Variants in SLC38A1 observed in about 807,000 individuals in gnomAD.
SLC38A1 encodes sodium-coupled neutral amino acid symporter 1.
Under a neutral mutation model 60.3 loss-of-function variants are expected in SLC38A1, and 18 were observed. That is an observed-to-expected ratio of 0.30 (90% CI 0.21 to 0.44). The LOEUF (loss-of-function observed/expected upper bound fraction) is 0.44. Ranked by LOEUF, SLC38A1 falls within the 20% of genes least tolerant of loss-of-function variation. SLC38A1 has a pLI of 1.00. For missense variants in SLC38A1, 448 were observed against 587.2 expected, an observed-to-expected ratio of 0.76 and a Z score of 2.45; for synonymous variants, 196 against 212.1, an observed-to-expected ratio of 0.92 and a Z score of 0.66.
At chr12:46,212,542 G>C (rs1352918208) in intron 5 of SLC38A1, among the ~76,000 whole-genome samples, 1 of 152,216 alleles carries the variant, frequency 6.6e-6, no homozygotes, top group Non-Finnish European at 1.5e-5. Context: ...TGGGTCATGG[G>C]GAAGGGGTGG....
At chr12:46,259,010 T>C (rs898776815) in intron 1 of SLC38A1, among the ~76,000 whole-genome samples, 5 of 152,202 alleles carry the variant, frequency 3.3e-5, no homozygotes, top group Non-Finnish European at 5.9e-5. Flanking sequence ...ATTATATATA[T>C]GGGATTTTTG....
chr12:46,192,565 CT>C (rs1277079835), intron 16 of SLC38A1, among the ~76,000 whole-genome samples: 1 of 151,758 alleles, frequency 6.6e-6, no homozygotes, highest in East Asian at 1.9e-4. Context: ...TGGTCCTGGA[CT>C]TTTTTTTGGT....
intron 11 of SLC38A1, 33 bp from the exon 12 acceptor site, chr12:46,203,122 A>G: frequency 6.4e-7 from 1 of 1,565,536 alleles, no homozygotes; most frequent in South Asian, 1.1e-5. Flanking sequence ...CATTAGGAAA[A>G]ACACTTTTAC....
intron 1 of SLC38A1, among the ~76,000 whole-genome samples, chr12:46,253,633 C>T (rs1288019089): frequency 6.6e-6 from 1 of 152,156 alleles, no homozygotes; most frequent in Non-Finnish European, 1.5e-5. Flanking sequence ...TTGTGCTAAC[C>T]TCCTATCTCA....
chr12:46,239,479 A>G, intron 3 of SLC38A1, 200 bp downstream of exon 3: 1 of 446,592 alleles, frequency 2.2e-6, no homozygotes. Context: ...CATGCACCAC[A>G]TGCCTGGCTA....
At chr12:46,264,275 A>G (rs888828119) in intron 1 of SLC38A1, among the ~76,000 whole-genome samples, 13 of 152,196 alleles carry the variant, frequency 8.5e-5, no homozygotes, top group African/African-American at 3.1e-4. Flanking sequence ...ACTCTGAGGT[A>G]CGCAGCACTG....
At chr12:46,237,593 G>A (rs112243166) in intron 3 of SLC38A1, among the ~76,000 whole-genome samples, 2 of 151,828 alleles carry the variant, frequency 1.3e-5, no homozygotes, top group African/African-American at 4.9e-5. Flanking sequence ...GGAGCCTATA[G>A]GGAAGTGAGC....
chr12:46,199,305 CTTTGTGTG>C (rs1366061575), intron 13 of SLC38A1, among the ~76,000 whole-genome samples: 3 of 112,452 alleles, frequency 2.7e-5, no homozygotes, highest in Non-Finnish European at 5.4e-5. Flanking sequence ...TTATGTACTA[CTTTGTGTG>C]TGTGTGTGTG....
At position 46,218,411 on chromosome 12, in the gene SLC38A1, G is replaced by C. The variant is rs972189715; in HGVS notation, c.315-9284C>G. On this transcript the variant is annotated intron_variant, in intron 5 of 16. Coordinates refer to ENST00000398637, the MANE Select transcript of SLC38A1 (RefSeq NM_030674.4). The stretch of plus-strand genomic sequence containing the variant: ...TTCTCGGTGGGTATTTGGGACTTTT[G>C]TTCCGGTAGAAAGGTGGATTGGGGG... Among the ~76,000 whole-genome samples the C allele has an allele frequency of 1.3e-5, 2 of 149,944 alleles. 1 individual carries two copies. The highest frequency in any genetic ancestry group is 1.3e-4 in the Admixed American group (2 of 15,072).
rs1394049616 is a variant in SLC38A1 at position 46,229,634 on chromosome 12, AACT to A, written c.125_127del (p.Lys42_Phe43delinsIle). The A allele has an allele frequency of 6.2e-7, 1 of 1,613,134 alleles. No homozygotes were observed. Among genetic ancestry groups the A allele is most frequent in the Non-Finnish European group, 8.5e-7 (1 of 1,179,534 alleles). ...TCTTCTACTTTCACGATCAGAAATA[AACT>A]TGCTGTAAAGACATGCGTAATATAT... is the stretch of plus-strand genomic sequence containing the variant. On this transcript the variant is annotated inframe_deletion and splice_region_variant, in exon 4 of 17. Transcript: ENST00000398637.
chr12:46,264,523 TACA>T (rs1295652143), intron 1 of SLC38A1, among the ~76,000 whole-genome samples: 4 of 152,176 alleles, frequency 2.6e-5, no homozygotes, highest in African/African-American at 7.2e-5. Flanking sequence ...CAGAAATAAG[TACA>T]ACAATATTTT....
intron 1 of SLC38A1, among the ~76,000 whole-genome samples, chr12:46,250,785 G>A (rs1490105049): frequency 6.6e-6 from 1 of 152,080 alleles, no homozygotes; most frequent in Non-Finnish European, 1.5e-5. Context: ...CAACTTACAA[G>A]GGATGTGAAG....
chr12:46,183,186 A>T lies in SLC38A1; in HGVS notation c.*5784T>A, dbSNP rs1282069193. On this transcript the variant is annotated 3_prime_UTR_variant, in exon 17 of 17. Coordinates refer to ENST00000398637, the MANE Select transcript of SLC38A1 (RefSeq NM_030674.4). Reference sequence around the variant, plus strand: ...AAAAAAAACCCAGTTCTATTTGATTAACTATGAATAGCAAAGTTTTGTGAC... The same window carrying T: ...AAAAAAAACCCAGTTCTATTTGATTTACTATGAATAGCAAAGTTTTGTGAC... 6.6e-6 allele frequency: 1 copy of T among 152,360 alleles called. No homozygotes were observed. Among genetic ancestry groups the T allele is most frequent in the African/African-American group, 2.4e-5 (1 of 41,414 alleles). 9.4% of individuals were successfully genotyped at this position (152,360 alleles called of 1,614,324 possible). A position where few individuals can be genotyped will look rare whatever the true frequency, so the allele number is the denominator to read the frequency against.
chr12:46,190,105 A>T (rs1939084178), intron 16 of SLC38A1, among the ~76,000 whole-genome samples: 1 of 152,040 alleles, frequency 6.6e-6, no homozygotes, highest in South Asian at 2.1e-4. Context: ...ACCCCACGAC[A>T]GGCCCTGGTG....
chr12:46,266,095 G>A (rs1229189091), intron 1 of SLC38A1, among the ~76,000 whole-genome samples: 2 of 152,180 alleles, frequency 1.3e-5, no homozygotes, highest in Non-Finnish European at 1.5e-5. Flanking sequence ...GATATAGAAC[G>A]GAAGGGATGG....
intron 13 of SLC38A1, among the ~76,000 whole-genome samples, chr12:46,199,326 TG>T (rs1565752898): frequency 2.7e-5 from 3 of 112,740 alleles, no homozygotes; most frequent in South Asian, 2.4e-4. Context: ...TGTGTGTGTG[TG>T]TGTGTGTGTG....
intron 16 of SLC38A1, among the ~76,000 whole-genome samples, chr12:46,192,223 G>T (rs1459379147): frequency 6.6e-6 from 1 of 152,196 alleles, no homozygotes; most frequent in Non-Finnish European, 1.5e-5. Flanking sequence ...CTGTTTATGT[G>T]ATGGATTACA....
At position 46,188,920 on chromosome 12, in the gene SLC38A1, G is replaced by T. The variant is rs376478003; in HGVS notation, c.*50C>A. Reference sequence around the variant, plus strand: ...AAGTGGTGAGAGATTGCTGATGTGTGGGGACTTGACTGAGCAGACAACAGG... The same window carrying T: ...AAGTGGTGAGAGATTGCTGATGTGTTGGGACTTGACTGAGCAGACAACAGG... On this transcript the variant is annotated 3_prime_UTR_variant, in exon 17 of 17. Transcript: ENST00000398637. 4.8e-6 allele frequency: 7 copies of T among 1,449,862 alleles called. No homozygotes were observed. The highest frequency in any genetic ancestry group is 6.8e-6 in the Non-Finnish European group (7 of 1,035,876). 89.8% of individuals were successfully genotyped at this position (1,449,862 alleles called of 1,614,324 possible).
At chr12:46,205,711 T>C (rs1939865641) in intron 9 of SLC38A1, among the ~76,000 whole-genome samples, 1 of 152,198 alleles carries the variant, frequency 6.6e-6, no homozygotes, top group Non-Finnish European at 1.5e-5. Context: ...TGTCTCCATA[T>C]TAGATTTGAA....
Sources: allele counts gnomAD v4.1 joint callset (sites outside exome capture counted in the v4.1 genomes callset), GRCh38; gene constraint gnomAD v4.1.1; transcripts MANE v1.5; gene names NCBI Gene and HGNC (gene_info 2026-07-23, HGNC 2026-07-21).